Variants in NTNG1 observed in about 807,000 individuals in gnomAD.
NTNG1 encodes the protein netrin G1.
Under a neutral mutation model 54.0 loss-of-function variants are expected in NTNG1, and 16 were observed. That is an observed-to-expected ratio of 0.30 (90% CI 0.20 to 0.45). The LOEUF is 0.45. NTNG1 is among the 20% of genes least tolerant of loss of function. The pLI is 1.00. For synonymous variants in NTNG1, 255 were observed against 263.1 expected (o/e 0.97, Z 0.30); for missense variants, 530 against 678.7 (o/e 0.78, Z 2.43).
chr1:107,247,229 TC>T lies in NTNG1; in HGVS notation c.247-77052del, dbSNP rs1336255159. Among the ~76,000 whole-genome samples, 4 of 152,342 alleles carry T rather than the reference TC, an allele frequency of 2.6e-5. No individual in the cohort carries two copies. In the East Asian group the frequency reaches 7.7e-4, roughly 29 times the overall value. On this transcript the variant is annotated intron_variant, in intron 2 of 7. Transcript: ENST00000370068. ...CATTAATCATGCCACAACAGCACCC[TC>T]AATCTTGCTTAGAAATAATCATTAC...
intron 2 of NTNG1, among the ~76,000 whole-genome samples, chr1:107,261,326 G>A (rs907986512): frequency 1.3e-5 from 2 of 151,974 alleles, no homozygotes; most frequent in Non-Finnish European, 2.9e-5. Context: ...TGCTTTGTAA[G>A]CATCTAAGAT....
At chr1:107,475,303 T>G (rs1446080723) in intron 7 of NTNG1, among the ~76,000 whole-genome samples, 1 of 152,218 alleles carries the variant, frequency 6.6e-6, no homozygotes. Flanking sequence ...TGAAGAGCAG[T>G]AATCTATAAA....
At chr1:107,278,462 A>G (rs1664623289) in intron 2 of NTNG1, among the ~76,000 whole-genome samples, 1 of 152,190 alleles carries the variant, frequency 6.6e-6, no homozygotes, top group Non-Finnish European at 1.5e-5. Flanking sequence ...TAGATCCAAA[A>G]CAGAGGCTTT....
intron 2 of NTNG1, among the ~76,000 whole-genome samples, chr1:107,285,341 G>C (rs1219361285): frequency 6.6e-6 from 1 of 152,038 alleles, no homozygotes; most frequent in Non-Finnish European, 1.5e-5. Flanking sequence ...ATGAATCATA[G>C]GAAAAATGAA....
intron 3 of NTNG1, among the ~76,000 whole-genome samples, chr1:107,377,970 G>C (rs1053655578): frequency 1.3e-5 from 2 of 152,230 alleles, no homozygotes; most frequent in Non-Finnish European, 2.9e-5. Flanking sequence ...AACTAAGGTA[G>C]ACTTTGCCAC....
At chr1:107,166,169 A>G (rs1188085474) in intron 2 of NTNG1, among the ~76,000 whole-genome samples, 1 of 152,200 alleles carries the variant, frequency 6.6e-6, no homozygotes, top group East Asian at 1.9e-4. Context: ...ATAAAACCAG[A>G]AGGCCTTTGA....
intron 2 of NTNG1, among the ~76,000 whole-genome samples, chr1:107,231,722 C>T (rs953372863): frequency 1.3e-5 from 2 of 152,106 alleles, no homozygotes; most frequent in Admixed American, 6.6e-5. Flanking sequence ...GAAGGAGGGC[C>T]AGTTCCCAGT....
chr1:107,247,261 T>C (rs1319368067), intron 2 of NTNG1, among the ~76,000 whole-genome samples: 1 of 152,162 alleles, frequency 6.6e-6, no homozygotes, highest in Non-Finnish European at 1.5e-5. Flanking sequence ...ATTACTTAAT[T>C]AGCTGGTCTT....
At position 107,480,895 on chromosome 1, in the gene NTNG1, C is replaced by A; in HGVS notation, c.*55C>A. The A allele has an allele frequency of 7.4e-7, 1 of 1,348,656 alleles. No homozygotes were observed. The highest frequency in any genetic ancestry group is 2.5e-5 in the East Asian group (1 of 39,560). 83.5% of individuals were successfully genotyped at this position (1,348,656 alleles called of 1,614,324 possible). The stretch of plus-strand genomic sequence containing the variant: ...TGTGCCGTGGGGAAGCAGACACAAC[C>A]CAAACATTTGCTACTAACATAGGAA... On this transcript the variant is annotated 3_prime_UTR_variant, in exon 8 of 8. Transcript: ENST00000370068.
At chr1:107,448,136 T>C (rs1040397404) in intron 7 of NTNG1, among the ~76,000 whole-genome samples, 2 of 152,086 alleles carry the variant, frequency 1.3e-5, no homozygotes, top group African/African-American at 4.8e-5. Context: ...CTTGCTTTTC[T>C]GATCATAGTT....
At chr1:107,375,944 G>A (rs753343751) in intron 3 of NTNG1, among the ~76,000 whole-genome samples, 10 of 152,162 alleles carry the variant, frequency 6.6e-5, no homozygotes, top group Non-Finnish European at 1.3e-4. Flanking sequence ...GAAAGACAGA[G>A]AGTAGGTGAC....
chr1:107,352,268 C>T (rs1332954387), intron 3 of NTNG1, among the ~76,000 whole-genome samples: 3 of 152,224 alleles, frequency 2.0e-5, no homozygotes, highest in Non-Finnish European at 4.4e-5. Flanking sequence ...CATTTCCCCT[C>T]TGCACTACCT....
chr1:107,437,794 T>A (rs1434881166), intron 7 of NTNG1, among the ~76,000 whole-genome samples: 5 of 152,202 alleles, frequency 3.3e-5, no homozygotes, highest in Non-Finnish European at 5.9e-5. Flanking sequence ...CGTGTTTTTT[T>A]ATTGTCTTTG....
intron 2 of NTNG1, among the ~76,000 whole-genome samples, chr1:107,221,104 G>T (rs946312718): frequency 2.0e-5 from 3 of 152,028 alleles, no homozygotes; most frequent in African/African-American, 4.8e-5. Flanking sequence ...GTTATACCAT[G>T]TAAATTACTT....
chr1:107,447,792 A>T (rs1676396257), intron 7 of NTNG1, among the ~76,000 whole-genome samples: 1 of 152,154 alleles, frequency 6.6e-6, no homozygotes, highest in Non-Finnish European at 1.5e-5. Flanking sequence ...AATTTAATTT[A>T]GCCAAGGTGA....
chr1:107,433,816 A>G (rs113078587), intron 6 of NTNG1, among the ~76,000 whole-genome samples: 2 of 152,212 alleles, frequency 1.3e-5, no homozygotes, highest in African/African-American at 4.8e-5. Flanking sequence ...CTGCCTGTGC[A>G]CTAGGCTGGA....
chr1:107,279,046 A>C (rs781534242), intron 2 of NTNG1, among the ~76,000 whole-genome samples: 2 of 152,204 alleles, frequency 1.3e-5, no homozygotes, highest in Non-Finnish European at 1.5e-5. Context: ...TGGGGTTACT[A>C]TGACTACATT....
At chr1:107,356,011 T>G (rs930226564) in intron 3 of NTNG1, among the ~76,000 whole-genome samples, 3 of 152,166 alleles carry the variant, frequency 2.0e-5, no homozygotes, top group African/African-American at 7.2e-5. Flanking sequence ...AGTCTTCATA[T>G]TTTGGGCTGT....
chr1:107,231,668 C>A (rs989655178), intron 2 of NTNG1, among the ~76,000 whole-genome samples: 2 of 152,012 alleles, frequency 1.3e-5, no homozygotes, highest in African/African-American at 4.8e-5. Context: ...AGATGAACTC[C>A]TGGATGATAA....
Sources: gnomAD v4.1 joint callset for allele counts (sites outside exome capture counted in the v4.1 genomes callset) on GRCh38, gnomAD v4.1.1 for gene constraint, MANE v1.5 for transcripts, NCBI Gene and HGNC (gene_info 2026-07-23, HGNC 2026-07-21) for gene names.